Variants in FN1 observed in about 807,000 individuals in gnomAD.
FN1 encodes the protein fibronectin 1.
FN1 carries 106 observed loss-of-function variants against 297.3 expected under a neutral mutation model. The observed-to-expected ratio is 0.36, with a 90% CI of 0.30 to 0.42. The LOEUF (loss-of-function observed/expected upper bound fraction) is 0.42. FN1 is among the 10% of genes least tolerant of loss of function. The probability of loss-of-function intolerance (pLI) is 1.00; values close to 1 mark genes in which losing one functional copy is unlikely to be tolerated. For missense variants in FN1, 2,690 were observed against 3,124.9 expected (o/e 0.86, Z 3.32); for synonymous variants, 1,149 against 1,152.6 (o/e 1.00, Z 0.06).
At chr2:215,428,696 C>T (rs964360737) in intron 5 of FN1, among the ~76,000 whole-genome samples, 1 of 152,098 alleles carries the variant, frequency 6.6e-6, no homozygotes, top group African/African-American at 2.4e-5. Flanking sequence ...TGTTTATGGC[C>T]TGCCTTTCAA....
chr2:215,391,723 G>T lies in FN1; in HGVS notation c.4161C>A (p.Thr1387=), dbSNP rs370663743. The T allele has an allele frequency of 4.1e-5, 66 of 1,614,016 alleles. No homozygotes were observed. In the Middle Eastern group the frequency reaches 9.9e-4, roughly 24 times the overall value. Residue 1387 remains threonine, a synonymous_variant, in exon 26 of 46, where the codon ACC becomes ACA. Coordinates refer to ENST00000354785, the MANE Select transcript of FN1 (RefSeq NM_212482.4). ...CAGGTGAGTAACGCACCAGGAAGTTGGTTAAATCAATGGATGGGGGTGGAG... is the reference window on the plus strand; with the variant it reads ...CAGGTGAGTAACGCACCAGGAAGTTTGTTAAATCAATGGATGGGGGTGGAG... ...TWAPPPSIDL[T]NFLVRYSPVK...
intron 28 of FN1, 98 bp downstream of exon 28, chr2:215,386,591 T>G: frequency 3.5e-6 from 2 of 563,922 alleles, no homozygotes; most frequent in Non-Finnish European, 5.6e-6. Context: ...TTTTTTTTTT[T>G]TTTGAGAGCT....
At chr2:215,388,938 A>G (rs966673462) in intron 26 of FN1, among the ~76,000 whole-genome samples, 2 of 152,202 alleles carry the variant, frequency 1.3e-5, no homozygotes, top group Non-Finnish European at 2.9e-5. Flanking sequence ...GCCCAGGATC[A>G]TACTGGGATT....
At position 215,407,239 on chromosome 2, in the gene FN1, G is replaced by A. The variant is rs1185308448; in HGVS notation, c.2601C>T (p.Leu867=). Residue 867 remains leucine, a synonymous_variant, in exon 18 of 46, where the codon CTC becomes CTT. Transcript: ENST00000354785. ...NLPETANSVT[L]SDLQPGVQYN... is the part of the protein sequence containing the mutation. ...ACTGAACACCAGGTTGCAAGTCACT[G>A]AGGGTGACGGAGTTTGCAGTTTCAG... The A allele has an allele frequency of 6.2e-7, 1 of 1,613,752 alleles. No individual in the cohort carries two copies. Among genetic ancestry groups the A allele is most frequent in the African/African-American group, 1.3e-5 (1 of 74,920 alleles).
At chr2:215,410,239 A>T in intron 13 of FN1, 125 bp from the exon 14 acceptor site, 2 of 934,532 alleles carry the variant, frequency 2.1e-6, no homozygotes, top group Non-Finnish European at 3.4e-6. Context: ...GCTCCATTCT[A>T]GAGGAAAATC....
chr2:215,364,584 ACAT>A, intron 44 of FN1: 1 of 488,312 alleles, frequency 2.0e-6, no homozygotes, highest in South Asian at 2.2e-5. Context: ...AATGATTCTA[ACAT>A]CATATAAATG....
chr2:215,409,883 T>C lies in FN1; in HGVS notation c.2122+51A>G. 2 of 1,606,238 alleles carry C rather than the reference T, an allele frequency of 1.2e-6. 1 individual carries two copies. Among genetic ancestry groups the C allele is most frequent in the Non-Finnish European group, 1.7e-6 (2 of 1,173,094 alleles). On this transcript the variant is annotated intron_variant, in intron 14 of 45. Transcript: ENST00000354785. ...AGGAAAGCATTGCCTCAGGAGAGCC[T>C]AGCTCTAGGAACCTCGGGGGTAGGA...
Position 215,404,533 on chromosome 2 carries a change from C to T in FN1, c.3109G>A (p.Gly1037Arg). ...CCCACATTGTACTGCCTGGGCTGTC[C>T]TCTTCGGGTAAGGCCCACGGTCAGT... ...YRLTVGLTRR[G>R]QPRQYNVGPS... The change falls in exon 20 of 46, where the codon GGA becomes AGA. Residue 1037 changes from glycine to arginine, a missense_variant. Coordinates refer to ENST00000354785, the MANE Select transcript of FN1 (RefSeq NM_212482.4). 1 of 1,614,088 alleles carries T rather than the reference C, an allele frequency of 6.2e-7. No homozygotes were observed. Among genetic ancestry groups the T allele is most frequent in the Non-Finnish European group, 8.5e-7 (1 of 1,179,988 alleles).
At chr2:215,383,901 G>A in intron 30 of FN1, 119 bp downstream of exon 30, 1 of 1,123,168 alleles carries the variant, frequency 8.9e-7, no homozygotes, top group South Asian at 1.3e-5. Context: ...CTAGCTGCAG[G>A]TTGTTGCTCA....
rs2067107418 is a variant in FN1 at position 215,434,487 on chromosome 2, C to CT, written c.277+208dup. ...GGGAGAGTAAAGCAAAAAGAAGACTCTAGGAACTAATTTGGGAAAGATTCG... is the reference window on the plus strand; with the variant it reads ...GGGAGAGTAAAGCAAAAAGAAGACTCTTAGGAACTAATTTGGGAAAGATTCG... On this transcript the variant is annotated intron_variant, in intron 2 of 45. Coordinates refer to ENST00000354785, the MANE Select transcript of FN1 (RefSeq NM_212482.4). 4.6e-5 allele frequency among the ~76,000 whole-genome samples: 7 copies of CT among 152,174 alleles called. No individual in the cohort carries two copies. In the South Asian group the frequency reaches 1.5e-3, roughly 32 times the overall value.
chr2:215,391,611 C>A, intron 26 of FN1, 21 bp downstream of exon 26: 1 of 1,597,092 alleles, frequency 6.3e-7, no homozygotes, highest in Non-Finnish European at 8.6e-7. Flanking sequence ...ATTTATGGAA[C>A]AGATACATTC....
chr2:215,403,852 T>C (rs62202763), intron 20 of FN1, among the ~76,000 whole-genome samples: 8,227 of 152,338 alleles, frequency 0.054, 325 homozygotes, highest in Middle Eastern at 0.16. Flanking sequence ...TTTCCTTGGC[T>C]TCATGTTCAA....
intron 24 of FN1, 137 bp from the exon 25 acceptor site, chr2:215,393,340 A>G (rs2059934323): frequency 3.8e-6 from 3 of 779,858 alleles, no homozygotes; most frequent in East Asian, 5.4e-5. Context: ...GTAATATGCA[A>G]TCTGTTTTAA....
intron 28 of FN1, 52 bp downstream of exon 28, chr2:215,386,637 A>T: frequency 6.6e-7 from 1 of 1,506,624 alleles, no homozygotes; most frequent in African/African-American, 1.5e-5. Context: ...TACAGAATCT[A>T]CCAACTGGGT....
rs150990682 is a variant in FN1 at position 215,425,261 on chromosome 2, C to A, written c.869G>T (p.Arg290Leu). The A allele has an allele frequency of 6.2e-7, 1 of 1,613,882 alleles. No individual in the cohort carries two copies. Among genetic ancestry groups the A allele is most frequent in the African/African-American group, 1.3e-5 (1 of 74,866 alleles). Residue 290 changes from arginine (R) to leucine (L), a missense_variant, in exon 7 of 46, where the codon CGT becomes CTT. Coordinates refer to ENST00000354785, the MANE Select transcript of FN1 (RefSeq NM_212482.4). The part of the protein sequence containing the change: ...SSGSGPFTDV[R>L]AAVYQPQPHP... ...AGGCTGCGGTTGGTAAACAGCTGCA[C>A]GAACATCGGTGAAGGGGCCAGATCC...
At chr2:215,414,755 C>G (rs2063195532) in intron 13 of FN1, 82 bp downstream of exon 13, 5 of 1,591,442 alleles carry the variant, frequency 3.1e-6, no homozygotes, top group Non-Finnish European at 4.3e-6. Flanking sequence ...GTTGTTGGCT[C>G]AAAAGCTGGG....
chr2:215,422,199 T>A lies in FN1; in HGVS notation c.1438A>T (p.Ile480Phe). The change falls in exon 10 of 46, where the codon ATT becomes TTT. Residue 480 changes from isoleucine (I) to phenylalanine (F), a missense_variant. Transcript: ENST00000354785. ...TGCTGCTTATCCCACTGATCTCCAA[T>A]GCGGTACATGACCCCTTCATTGGTT... is the stretch of plus-strand genomic sequence containing the variant. The part of the protein sequence containing the change: ...CTTNEGVMYR[I>F]GDQWDKQHDM... The A allele has an allele frequency of 6.2e-7, 1 of 1,614,136 alleles. No individual in the cohort carries two copies. The highest frequency in any genetic ancestry group is 8.5e-7 in the Non-Finnish European group (1 of 1,179,980).
At chr2:215,399,587 A>G (rs1179352240) in intron 20 of FN1, among the ~76,000 whole-genome samples, 1 of 152,142 alleles carries the variant, frequency 6.6e-6, no homozygotes, top group East Asian at 1.9e-4. Flanking sequence ...TGGAGGTCCA[A>G]CAAAAAACTA....
At chr2:215,404,806 GATTGAGTGCTACACAAA>G in intron 19 of FN1, 151 bp from the exon 20 acceptor site, 1 of 739,424 alleles carries the variant, frequency 1.4e-6, no homozygotes, top group Non-Finnish European at 2.3e-6. Flanking sequence ...GCCAGTAAGA[GATTGAGTGCTACACAAA>G]ACTTTGCCAA....
Sources: gnomAD v4.1 joint callset for allele counts (sites outside exome capture counted in the v4.1 genomes callset) on GRCh38, gnomAD v4.1.1 for gene constraint, MANE v1.5 for transcripts, NCBI Gene and HGNC (gene_info 2026-07-23, HGNC 2026-07-21) for gene names.